Variants in AARSD1 observed in about 807,000 individuals in gnomAD.
AARSD1 encodes the protein alanyl-tRNA synthetase domain containing 1, also known as alanyl-tRNA editing protein Aarsd1.
Under a neutral mutation model 48.7 loss-of-function variants are expected in AARSD1, and 44 were observed. That is an observed-to-expected ratio of 0.90 (90% CI 0.71 to 1.16). The LOEUF is 1.16. Among genes scored for constraint, AARSD1 ranks in the 50% most tolerant of loss-of-function variants. The pLI is 0.00. For synonymous variants in AARSD1, 189 were observed against 194.9 expected, an observed-to-expected ratio of 0.97 and a Z score of 0.25; for missense variants, 511 against 523.1, an observed-to-expected ratio of 0.98 and a Z score of 0.23.
intron 11 of AARSD1, 142 bp from the exon 12 acceptor site, chr17:42,950,870 G>T: frequency 7.3e-7 from 1 of 1,369,020 alleles, no homozygotes; most frequent in Non-Finnish European, 9.6e-7. Flanking sequence ...GAAAACACTT[G>T]CACATAGGCT....
intron 2 of AARSD1, among the ~76,000 whole-genome samples, chr17:42,962,629 G>T (rs976921953): frequency 6.6e-6 from 1 of 152,162 alleles, no homozygotes; most frequent in Non-Finnish European, 1.5e-5. Context: ...AGCAGATCAG[G>T]GAAATCTTCA....
rs1168277920 is a variant in AARSD1 at position 42,964,087 on chromosome 17, G to T, written c.171+19C>A. On this transcript the variant is annotated intron_variant, in intron 2 of 11. Transcript: ENST00000427569. ...CACAAAGAAACTGGGGGCTTCCTGG[G>T]AAGAGATCGTTTTGGTACCTGTCCC... is the stretch of plus-strand genomic sequence containing the variant. 3 of 1,613,974 alleles carry T rather than the reference G, an allele frequency of 1.9e-6. No individual in the cohort carries two copies. Among genetic ancestry groups the T allele is most frequent in the South Asian group, 1.1e-5 (1 of 91,066 alleles).
At chr17:42,959,749 C>T (rs2049607278) in intron 3 of AARSD1, among the ~76,000 whole-genome samples, 1 of 151,696 alleles carries the variant, frequency 6.6e-6, no homozygotes, top group South Asian at 2.1e-4. Flanking sequence ...CTGCAACCTC[C>T]ACCTCCCAGG....
At chr17:42,953,042 C>T (rs1291308344) in intron 10 of AARSD1, among the ~76,000 whole-genome samples, 1 of 152,166 alleles carries the variant, frequency 6.6e-6, no homozygotes, top group Non-Finnish European at 1.5e-5. Flanking sequence ...TGCTGTGGCA[C>T]AATCTCAGCT....
chr17:42,962,843 C>T (rs2151943789), intron 2 of AARSD1, among the ~76,000 whole-genome samples: 1 of 152,214 alleles, frequency 6.6e-6, no homozygotes, highest in East Asian at 1.9e-4. Flanking sequence ...TCAGCCTGGG[C>T]AATAAAGTGA....
chr17:42,952,003 A>C, intron 10 of AARSD1, 109 bp from the exon 11 acceptor site: 4 of 1,239,462 alleles, frequency 3.2e-6, no homozygotes, highest in African/African-American at 1.5e-5. Context: ...CCCCTAAACC[A>C]CCAAGTGACG....
At position 42,953,695 on chromosome 17, in the gene AARSD1, C is replaced by T. The variant is rs112418201; in HGVS notation, c.1008+29G>A. On this transcript the variant is annotated intron_variant, in intron 10 of 11. Coordinates refer to ENST00000427569, the MANE Select transcript of AARSD1 (RefSeq NM_001261434.2). ...TGTCTCCCTAGGTCTCTATCCAGGC[C>T]GGGGTAGAGAATCTCATGCTCCTCT... is the stretch of plus-strand genomic sequence containing the variant. 1,774 of 1,614,074 alleles carry T rather than the reference C, an allele frequency of 1.1e-3. 14 individuals are homozygous for T. The African/African-American group carries it at 0.013, about 11-fold the overall frequency.
At chr17:42,961,392 C>T (rs2049636097) in intron 2 of AARSD1, 41 bp from the exon 3 acceptor site, 1 of 1,612,406 alleles carries the variant, frequency 6.2e-7, no homozygotes, top group Non-Finnish European at 8.5e-7. Flanking sequence ...CAAGGCAGGG[C>T]TCACCCTAAC....
At position 42,956,498 on chromosome 17, in the gene AARSD1, ACTTGCT is replaced by A; in HGVS notation, c.446_451del (p.Glu149_Gln150del). The A allele has an allele frequency of 1.9e-6, 3 of 1,613,814 alleles. No homozygotes were observed. The highest frequency in any genetic ancestry group is 2.5e-6 in the Non-Finnish European group (3 of 1,179,952). On this transcript the variant is annotated inframe_deletion, in exon 5 of 12. Transcript: ENST00000427569. ...ATTGACGCTCTGCTCAATGGCAGCT[ACTTGCT>A]CTGCAGTCATAGAGGGGGTGTCCAG...
chr17:42,960,204 G>T (rs1427748910), intron 3 of AARSD1, among the ~76,000 whole-genome samples: 1 of 151,726 alleles, frequency 6.6e-6, no homozygotes, highest in African/African-American at 2.4e-5. Flanking sequence ...GGGAGGTGAG[G>T]TTGCAGTGAG....
At chr17:42,954,832 C>G (rs2049524869) in intron 9 of AARSD1, 44 bp downstream of exon 9, 4 of 1,605,314 alleles carry the variant, frequency 2.5e-6, no homozygotes, top group Non-Finnish European at 3.4e-6. Context: ...AGCCCTAAGC[C>G]CAACACAGTT....
At chr17:42,954,120 A>G (rs2049514555) in intron 9 of AARSD1, 1 of 221,524 alleles carries the variant, frequency 4.5e-6, no homozygotes, top group Non-Finnish European at 9.2e-6. Context: ...TTGGGAGGCC[A>G]AGGTGGGCAG....
In AARSD1 at chr17:42,964,408, G is replaced by C. The variant is rs546318636; in HGVS notation, c.33C>G (p.Ala11=). The C allele has an allele frequency of 1.3e-6, 2 of 1,551,444 alleles. No homozygotes were observed. Among genetic ancestry groups the C allele is most frequent in the Non-Finnish European group, 1.7e-6 (2 of 1,147,320 alleles). Residue 11 remains alanine, a synonymous_variant, in exon 1 of 12, where the codon GCC becomes GCG. Transcript: ENST00000427569. ...CCTCGCCGTGACGCCGTACCTCTCG[G>C]GCATAACTGTCACGCTGACACCAGA... The part of the protein sequence containing the change: MAFWCQRDSY[A]REFTTTVVSC...
intron 10 of AARSD1, among the ~76,000 whole-genome samples, chr17:42,952,428 T>C (rs1235159504): frequency 2.0e-5 from 3 of 152,234 alleles, no homozygotes; most frequent in African/African-American, 7.2e-5. Flanking sequence ...GAATCAGTTC[T>C]GTCTATACAG....
chr17:42,962,144 CA>C, intron 2 of AARSD1: 2 of 216,482 alleles, frequency 9.2e-6, no homozygotes, highest in South Asian at 4.2e-5. Flanking sequence ...TACTAAAATA[CA>C]AAAAATTAAC....
At position 42,964,094 on chromosome 17, in the gene AARSD1, T is replaced by C; in HGVS notation, c.171+12A>G. On this transcript the variant is annotated intron_variant, in intron 2 of 11. Coordinates refer to ENST00000427569, the MANE Select transcript of AARSD1 (RefSeq NM_001261434.2). ...AAACTGGGGGCTTCCTGGGAAGAGA[T>C]CGTTTTGGTACCTGTCCCCCGCCCT... is the stretch of plus-strand genomic sequence containing the variant. The C allele has an allele frequency of 3.7e-6, 6 of 1,614,006 alleles. No individual in the cohort carries two copies. Among genetic ancestry groups the C allele is most frequent in the Non-Finnish European group, 5.1e-6 (6 of 1,179,996 alleles).
chr17:42,956,730 C>T (rs534294241), intron 4 of AARSD1, among the ~76,000 whole-genome samples, 170 bp from the exon 5 acceptor site: 14 of 112,312 alleles, frequency 1.2e-4, no homozygotes, highest in African/African-American at 3.9e-4. Context: ...TGCAGTGGCG[C>T]GATCTCGGCT....
In AARSD1 at chr17:42,951,829, T is replaced by C. The variant is rs753815121; in HGVS notation, c.1074A>G (p.Pro358=). The C allele has an allele frequency of 6.2e-7, 1 of 1,614,180 alleles. No individual in the cohort carries two copies. The highest frequency in any genetic ancestry group is 1.1e-5 in the South Asian group (1 of 91,086). ...KGGGLFLLAG[P]PASVETLGPR... ...GCCCCAGGGTCTCCACAGACGCAGG[T>C]GGCCCTGCCAGTAAGAAGAGTCCAC... The change falls in exon 11 of 12, where the codon CCA becomes CCG. Residue 358 remains proline (P), a synonymous_variant. Coordinates refer to ENST00000427569, the MANE Select transcript of AARSD1 (RefSeq NM_001261434.2).
chr17:42,954,802 T>G, intron 9 of AARSD1, 74 bp downstream of exon 9: 1 of 1,498,160 alleles, frequency 6.7e-7, no homozygotes, highest in Non-Finnish European at 9.3e-7. Flanking sequence ...CACTGTACAT[T>G]GCATATAGAG....
Sources: gnomAD v4.1 joint callset for allele counts (sites outside exome capture counted in the v4.1 genomes callset) on GRCh38, gnomAD v4.1.1 for gene constraint, MANE v1.5 for transcripts, NCBI Gene and HGNC (gene_info 2026-07-23, HGNC 2026-07-21) for gene names.